ITGA9: variants seen among roughly 807,000 people sequenced by gnomAD.
ITGA9 encodes integrin subunit alpha 9.
A neutral mutation model predicts 127.8 loss-of-function variants in ITGA9; 56 were observed. The ratio of observed to expected loss-of-function variants is 0.44; its 90% CI spans 0.35 to 0.55. ITGA9 has a LOEUF of 0.55. Ranked by LOEUF, ITGA9 falls within the 20% of genes least tolerant of loss-of-function variation. The pLI, the probability that ITGA9 is intolerant of heterozygous loss-of-function variation, is 0.00. For missense variants in ITGA9, 1,196 were observed against 1,347.1 expected, an observed-to-expected ratio of 0.89 and a Z score of 1.76; for synonymous variants, 508 against 514.5, an observed-to-expected ratio of 0.99 and a Z score of 0.17.
In ITGA9 at chr3:37,731,636, T is replaced by C. The variant is rs112418487; in HGVS notation, c.2068-1076T>C. ...ACAAGTTATTAAGTTCCCAGCTCAATGAACTTTCACAAAATGATCAAACCT... is the reference window on the plus strand; with the variant it reads ...ACAAGTTATTAAGTTCCCAGCTCAACGAACTTTCACAAAATGATCAAACCT... On this transcript the variant is annotated intron_variant, in intron 18 of 27. Coordinates refer to ENST00000264741, the MANE Select transcript of ITGA9 (RefSeq NM_002207.3). Among the ~76,000 whole-genome samples, 421 of 152,344 alleles carry C rather than the reference T, an allele frequency of 2.8e-3. 5 individuals carry two copies. The highest frequency in any genetic ancestry group is 9.5e-3 in the African/African-American group (396 of 41,588).
chr3:37,571,663 T>C (rs754861294), intron 15 of ITGA9, among the ~76,000 whole-genome samples: 1 of 152,120 alleles, frequency 6.6e-6, no homozygotes, highest in Non-Finnish European at 1.5e-5. Flanking sequence ...TCTGGAGATA[T>C]TGATGCTGCT....
intron 15 of ITGA9, among the ~76,000 whole-genome samples, chr3:37,560,286 C>T (rs147170195): frequency 6.6e-6 from 1 of 152,152 alleles, no homozygotes; most frequent in Non-Finnish European, 1.5e-5. Context: ...TGAACTCATC[C>T]TTTTTTATGG....
At chr3:37,782,877 C>T (rs189082791) in intron 25 of ITGA9, among the ~76,000 whole-genome samples, 2 of 152,304 alleles carry the variant, frequency 1.3e-5, no homozygotes, top group East Asian at 1.9e-4. Context: ...CAGTGGCTCA[C>T]GCCTGTAATC....
intron 5 of ITGA9, among the ~76,000 whole-genome samples, chr3:37,497,032 C>T (rs1393703023): frequency 1.3e-5 from 2 of 152,186 alleles, no homozygotes; most frequent in East Asian, 1.9e-4. Context: ...AAAAACATCT[C>T]GTTTTAATGT....
chr3:37,657,870 C>T (rs553073165), intron 17 of ITGA9, among the ~76,000 whole-genome samples: 111 of 152,258 alleles, frequency 7.3e-4, no homozygotes, highest in South Asian at 2.1e-3. Flanking sequence ...TTAGGTGTGT[C>T]CCAGCAATTC....
intron 15 of ITGA9, among the ~76,000 whole-genome samples, chr3:37,607,433 T>G (rs1396703794): frequency 6.6e-6 from 1 of 152,158 alleles, no homozygotes; most frequent in Non-Finnish European, 1.5e-5. Flanking sequence ...ATATTGACAG[T>G]GTGCCCAAGC....
At chr3:37,543,240 G>A (rs1240833401) in intron 15 of ITGA9, among the ~76,000 whole-genome samples, 1 of 152,234 alleles carries the variant, frequency 6.6e-6, no homozygotes. Context: ...ACCTGGCAGT[G>A]CCTGATGCTG....
chr3:37,657,980 A>G (rs1043434898), intron 17 of ITGA9, among the ~76,000 whole-genome samples: 1 of 152,160 alleles, frequency 6.6e-6, no homozygotes, highest in African/African-American at 2.4e-5. Context: ...GCCATTGTTC[A>G]GTTTCCATGT....
chr3:37,570,620 C>G (rs1699591095), intron 15 of ITGA9, among the ~76,000 whole-genome samples: 1 of 152,200 alleles, frequency 6.6e-6, no homozygotes, highest in Non-Finnish European at 1.5e-5. Context: ...GTGAGGACCA[C>G]TGGGAACATT....
At position 37,759,289 on chromosome 3, in the gene ITGA9, A is replaced by G. The variant is rs190021197; in HGVS notation, c.2541+8720A>G. Among the ~76,000 whole-genome samples, 400 of 152,160 alleles carry G rather than the reference A, an allele frequency of 2.6e-3. 2 individuals are homozygous for G. Among genetic ancestry groups the G allele is most frequent in the Non-Finnish European group, 4.1e-3 (280 of 67,990 alleles). ...GGTAAGAATCCAGAATTGCTACAATATATTATCTAAAATGTCCAATTTAAA... is the reference window on the plus strand; with the variant it reads ...GGTAAGAATCCAGAATTGCTACAATGTATTATCTAAAATGTCCAATTTAAA... On this transcript the variant is annotated intron_variant, in intron 23 of 27. Transcript: ENST00000264741.
At chr3:37,756,288 A>C (rs1257212933) in intron 23 of ITGA9, among the ~76,000 whole-genome samples, 1 of 152,246 alleles carries the variant, frequency 6.6e-6, no homozygotes, top group African/African-American at 2.4e-5. Flanking sequence ...CAGAGTGTTA[A>C]AGATTTAGTC....
At chr3:37,770,789 G>A (rs1696833434) in intron 23 of ITGA9, among the ~76,000 whole-genome samples, 1 of 152,126 alleles carries the variant, frequency 6.6e-6, no homozygotes, top group Non-Finnish European at 1.5e-5. Context: ...GACCATGACA[G>A]CTCCTTTCAC....
At chr3:37,692,730 A>G (rs1700845366) in intron 18 of ITGA9, among the ~76,000 whole-genome samples, 1 of 152,058 alleles carries the variant, frequency 6.6e-6, no homozygotes, top group South Asian at 2.1e-4. Context: ...CAAATATGTG[A>G]TGCACGTAAT....
At chr3:37,531,612 C>T (rs1056811035) in intron 13 of ITGA9, among the ~76,000 whole-genome samples, 2 of 152,174 alleles carry the variant, frequency 1.3e-5, no homozygotes, top group South Asian at 2.1e-4. Context: ...GGCTTTTCTT[C>T]TGTACCATGA....
chr3:37,658,126 G>C (rs958499884), intron 17 of ITGA9, among the ~76,000 whole-genome samples: 6 of 152,184 alleles, frequency 3.9e-5, no homozygotes, highest in Non-Finnish European at 7.3e-5. Flanking sequence ...GTCAATTTTA[G>C]AATAAGTGTG....
At chr3:37,627,033 G>C (rs1700182272) in intron 15 of ITGA9, among the ~76,000 whole-genome samples, 1 of 152,158 alleles carries the variant, frequency 6.6e-6, no homozygotes, top group African/African-American at 2.4e-5. Flanking sequence ...GGAGGATCTG[G>C]ATCCTGGGGT....
chr3:37,508,555 A>C lies in ITGA9; in HGVS notation c.829-4A>C. The C allele has an allele frequency of 6.2e-7, 1 of 1,607,790 alleles. No homozygotes were observed. The highest frequency in any genetic ancestry group is 8.5e-7 in the Non-Finnish European group (1 of 1,176,414). The stretch of plus-strand genomic sequence containing the variant: ...AACTAGATTTTTTTTTTTTCATTCC[A>C]TAGGTTTATATTTTCAGAGCTGACC... On this transcript the variant is annotated splice_region_variant and splice_polypyrimidine_tract_variant and intron_variant, in intron 7 of 27. Coordinates refer to ENST00000264741, the MANE Select transcript of ITGA9 (RefSeq NM_002207.3).
chr3:37,574,173 G>A (rs951653179), intron 15 of ITGA9, among the ~76,000 whole-genome samples: 1 of 152,180 alleles, frequency 6.6e-6, no homozygotes, highest in African/African-American at 2.4e-5. Context: ...TTACATTTAT[G>A]TGAAGTTTAT....
chr3:37,714,239 A>G (rs1460105078), intron 18 of ITGA9, among the ~76,000 whole-genome samples: 1 of 152,240 alleles, frequency 6.6e-6, no homozygotes, highest in Admixed American at 6.5e-5. Context: ...AGTGTTAAAT[A>G]AGACAGGGCA....
Sources: gnomAD v4.1 joint callset for allele counts (sites outside exome capture counted in the v4.1 genomes callset) on GRCh38, gnomAD v4.1.1 for gene constraint, MANE v1.5 for transcripts, NCBI Gene and HGNC (gene_info 2026-07-23, HGNC 2026-07-21) for gene names.